SAFB2: variants seen among roughly 807,000 people sequenced by gnomAD.
The protein encoded by SAFB2 is scaffold attachment factor B2.
In SAFB2, 32 loss-of-function variants were observed where a neutral mutation model predicts 100.6. The ratio of observed to expected loss-of-function variants is 0.32; its 90% CI spans 0.24 to 0.43. SAFB2 has a LOEUF of 0.43. Among genes scored for constraint, SAFB2 ranks in the 20% least tolerant of loss-of-function variants. The pLI is 1.00. For missense variants in SAFB2, 1,185 were observed against 1,163.4 expected, an observed-to-expected ratio of 1.02 and a Z score of -0.27; for synonymous variants, 500 against 439.4, an observed-to-expected ratio of 1.14 and a Z score of -1.72.
In SAFB2 at chr19:5,621,409, G is replaced by C. The variant is rs1420964540; in HGVS notation, c.187-13C>G. ...CTTCTTTAACCGCCTATTAGGGAGAGATGAGTTTTACAACATCATTAAGAG... is the reference window on the plus strand; with the variant it reads ...CTTCTTTAACCGCCTATTAGGGAGACATGAGTTTTACAACATCATTAAGAG... On this transcript the variant is annotated splice_polypyrimidine_tract_variant and intron_variant, in intron 1 of 20. Transcript: ENST00000252542. The C allele has an allele frequency of 1.3e-6, 2 of 1,563,372 alleles. No homozygotes were observed. Among genetic ancestry groups the C allele is most frequent in the Non-Finnish European group, 1.8e-6 (2 of 1,134,036 alleles).
chr19:5,599,313 GT>G (rs1449906165), intron 12 of SAFB2, among the ~76,000 whole-genome samples: 12 of 152,162 alleles, frequency 7.9e-5, no homozygotes, highest in African/African-American at 2.9e-4. Flanking sequence ...TGCCAGACGG[GT>G]GGGCTTCCCT....
At chr19:5,588,045 G>T in intron 18 of SAFB2, 65 bp from the exon 19 acceptor site, 2 of 1,439,904 alleles carry the variant, frequency 1.4e-6, no homozygotes, top group Non-Finnish European at 1.9e-6. Flanking sequence ...GGCAGCAGGC[G>T]CACCCACCCT....
intron 18 of SAFB2, among the ~76,000 whole-genome samples, chr19:5,590,067 C>T (rs1196287980): frequency 6.6e-6 from 1 of 152,198 alleles, no homozygotes; most frequent in African/African-American, 2.4e-5. Flanking sequence ...TCTGGGCGAC[C>T]TGGACAGCTC....
rs2052736135 is a variant in SAFB2, at chr19:5,604,704, T to C, written c.1447-9A>G. Reference sequence around the variant, plus strand: ...GCAGGCTCATTTTTGGCCTAAAATATAATAGACAGAAATGATGTGTGGCCC... The same window carrying C: ...GCAGGCTCATTTTTGGCCTAAAATACAATAGACAGAAATGATGTGTGGCCC... On this transcript the variant is annotated splice_polypyrimidine_tract_variant and intron_variant, in intron 10 of 20. Coordinates refer to ENST00000252542, the MANE Select transcript of SAFB2 (RefSeq NM_014649.3). The C allele has an allele frequency of 1.2e-6, 2 of 1,614,040 alleles. No homozygotes were observed. The highest frequency in any genetic ancestry group is 1.3e-5 in the African/African-American group (1 of 74,938).
intron 9 of SAFB2, among the ~76,000 whole-genome samples, chr19:5,605,520 C>T (rs1318602267): frequency 1.3e-5 from 2 of 152,138 alleles, no homozygotes; most frequent in Non-Finnish European, 2.9e-5. Flanking sequence ...GAAGTCCTAC[C>T]CATCCACATT....
rs2052487380 is a variant in SAFB2, at chr19:5,594,197, C to G, written c.1920-19G>C. 6.4e-7 allele frequency: 1 copy of G among 1,560,806 alleles called. No homozygotes were observed. The highest frequency in any genetic ancestry group is 1.4e-5 in the African/African-American group (1 of 73,174). On this transcript the variant is annotated intron_variant, in intron 14 of 20. Transcript: ENST00000252542. Reference sequence around the variant, plus strand: ...GCGCTCCCTGCGGGGACAGGTGAGGCTGCCCTGAACTCCCTGCGTGAGCCT... The same window carrying G: ...GCGCTCCCTGCGGGGACAGGTGAGGGTGCCCTGAACTCCCTGCGTGAGCCT...
chr19:5,622,555 C>G lies in SAFB2; in HGVS notation c.161G>C (p.Ser54Thr). The change falls in exon 1 of 21, where the codon AGC becomes ACC. Residue 54 changes from serine to threonine, a missense_variant. By Grantham distance (58) the Ser-to-Thr change is moderately conservative. Transcript: ENST00000252542. Reference protein sequence around the residue: ...KRNLDTGGNKSVLMERLKKAV... With the variant: ...KRNLDTGGNKTVLMERLKKAV... ...CTTCTTGAGCCGCTCCATCAGGACG[C>G]TCTTGTTGCCGCCCGTGTCCAGGTT... 2 of 1,613,326 alleles carry G rather than the reference C, an allele frequency of 1.2e-6. No homozygotes were observed. The highest frequency in any genetic ancestry group is 2.2e-5 in the South Asian group (2 of 91,060).
chr19:5,592,797 G>A lies in SAFB2; in HGVS notation c.2298C>T (p.His766=), dbSNP rs771892462. The A allele has an allele frequency of 2.1e-5, 34 of 1,614,076 alleles. No individual in the cohort carries two copies. The highest frequency in any genetic ancestry group is 2.6e-5 in the Non-Finnish European group (31 of 1,180,038). Residue 766 remains histidine, a synonymous_variant, in exon 16 of 21, where the codon CAC becomes CAT. Coordinates refer to ENST00000252542, the MANE Select transcript of SAFB2 (RefSeq NM_014649.3). The part of the protein sequence containing the change: ...ADFPRPDHRF[H]DFDHRDRGQY... ...GGCCCCGGTCTCGATGATCGAAGTC[G>A]TGAAAGCGGTGGTCTGGCCGGGGAA...
rs557876837 is a variant in SAFB2, at chr19:5,587,478, C to T, written c.2706-79G>A. ...CGTAACATGGGTTCAGTAACGGTCC[C>T]GCAGCCTTTAGAGCGCTTGGGTTTT... On this transcript the variant is annotated intron_variant, in intron 20 of 20. Transcript: ENST00000252542. The surrounding 1 kb of genome is among the most constrained non-coding windows in gnomAD (Gnocchi z 4.9). The T allele has an allele frequency of 1.6e-5, 24 of 1,524,112 alleles. No individual in the cohort carries two copies. In the South Asian group the frequency reaches 2.2e-4, roughly 14 times the overall value. 94.4% of individuals were successfully genotyped at this position (1,524,112 alleles called of 1,614,324 possible). A position where few individuals can be genotyped will look rare whatever the true frequency, so the allele number is the denominator to read the frequency against.
chr19:5,602,479 CAAAAAAAAAAAA>C (rs35472223), intron 11 of SAFB2, among the ~76,000 whole-genome samples: 6 of 39,530 alleles, frequency 1.5e-4, no homozygotes, highest in African/African-American at 2.2e-4. Flanking sequence ...GACTCTGTCT[CAAAAAAAAAAAA>C]AAAAAAAAAA....
intron 8 of SAFB2, 50 bp downstream of exon 8, chr19:5,610,588 CA>C: frequency 7.2e-7 from 1 of 1,389,550 alleles, no homozygotes; most frequent in Non-Finnish European, 1.0e-6. Context: ...CCCCTCCTCC[CA>C]AAATAAGGGA....
intron 1 of SAFB2, among the ~76,000 whole-genome samples, chr19:5,621,796 G>A (rs1188584401): frequency 6.6e-6 from 1 of 152,266 alleles, no homozygotes; most frequent in East Asian, 1.9e-4. Context: ...AGCCTGGGGA[G>A]ATTCAACAGG....
At chr19:5,606,070 G>C (rs2052768372) in intron 9 of SAFB2, among the ~76,000 whole-genome samples, 2 of 152,178 alleles carry the variant, frequency 1.3e-5, no homozygotes, top group African/African-American at 4.8e-5. Context: ...AACCACTGGA[G>C]GGGCACTCAG....
intron 15 of SAFB2, 124 bp downstream of exon 15, chr19:5,593,767 T>G: frequency 9.3e-7 from 1 of 1,076,466 alleles, no homozygotes; most frequent in South Asian, 1.9e-5. Context: ...CCAAGGCGCA[T>G]GCTCCATATC....
intron 15 of SAFB2, among the ~76,000 whole-genome samples, chr19:5,593,272 C>T (rs958593099): frequency 6.6e-6 from 1 of 152,202 alleles, no homozygotes; most frequent in Non-Finnish European, 1.5e-5. Context: ...GAATCTCCCT[C>T]TGAGTTTCTT....
intron 18 of SAFB2, among the ~76,000 whole-genome samples, chr19:5,589,298 C>A (rs2052336413): frequency 6.6e-6 from 1 of 152,184 alleles, no homozygotes. Flanking sequence ...ACACTTCACA[C>A]CAACTGATCA....
intron 2 of SAFB2, among the ~76,000 whole-genome samples, chr19:5,616,704 T>G (rs576019703): frequency 1.1e-4 from 14 of 132,940 alleles, no homozygotes; most frequent in African/African-American, 4.1e-4. Flanking sequence ...CAGGCTGGAG[T>G]GCAGCGGCAC....
At chr19:5,609,051 C>CAAAAAAAAAA (rs60419324) in intron 9 of SAFB2, among the ~76,000 whole-genome samples, 1 of 72,696 alleles carries the variant, frequency 1.4e-5, no homozygotes, top group South Asian at 5.7e-4. Flanking sequence ...GACGCAGTCT[C>CAAAAAAAAAA]AAAAAAAAAA....
chr19:5,605,267 G>A (rs532318983), intron 9 of SAFB2, among the ~76,000 whole-genome samples: 2 of 152,104 alleles, frequency 1.3e-5, no homozygotes, highest in South Asian at 4.2e-4. Context: ...ACCACGCCTG[G>A]CTAATTTTTG....
Sources: gnomAD v4.1 joint callset for allele counts (sites outside exome capture counted in the v4.1 genomes callset) on GRCh38, gnomAD v4.1.1 for gene constraint, Gnocchi (gnomAD v3.1) non-coding constraint, MANE v1.5 for transcripts, NCBI Gene and HGNC (gene_info 2026-07-23, HGNC 2026-07-21) for gene names.